Variants in TBC1D9 observed in about 807,000 individuals in gnomAD.
The protein encoded by TBC1D9 is TBC1 domain family member 9, also known as TBC1 domain family member 9A.
TBC1D9 carries 63 observed loss-of-function variants against 132.0 expected under a neutral mutation model. The ratio of observed to expected loss-of-function variants is 0.48; its 90% CI spans 0.39 to 0.59. The LOEUF is 0.59. Among genes scored for constraint, TBC1D9 ranks in the 20% least tolerant of loss-of-function variants. TBC1D9 has a pLI of 0.00. For synonymous variants in TBC1D9, 610 were observed against 609.9 expected (o/e 1.00, Z 0.00); for missense variants, 1,261 against 1,592.7 (o/e 0.79, Z 3.54).
chr4:140,632,653 A>G (rs540965622), intron 16 of TBC1D9, among the ~76,000 whole-genome samples: 1 of 152,262 alleles, frequency 6.6e-6, no homozygotes, highest in Admixed American at 6.5e-5. Context: ...CTATTTCTTT[A>G]GCTAAATATG....
At chr4:140,663,277 C>T (rs1292197505) in intron 9 of TBC1D9, among the ~76,000 whole-genome samples, 1 of 152,164 alleles carries the variant, frequency 6.6e-6, no homozygotes, top group African/African-American at 2.4e-5. Context: ...AAATCACCAA[C>T]AGGTGTATTT....
rs549878976 is a variant in TBC1D9 at position 140,706,111 on chromosome 4, G to C, written c.131-4497C>G. ...CAGGTGGCAGGTCCACAGTGCTGCAGAGAAACCCCCGTCAGCCCTCTGCAG... is the reference window on the plus strand; with the variant it reads ...CAGGTGGCAGGTCCACAGTGCTGCACAGAAACCCCCGTCAGCCCTCTGCAG... On this transcript the variant is annotated intron_variant, in intron 1 of 20. Coordinates refer to ENST00000442267, the MANE Select transcript of TBC1D9 (RefSeq NM_015130.3). The surrounding 1 kb of genome is among the most constrained non-coding windows in gnomAD (Gnocchi z 4.0). Among the ~76,000 whole-genome samples, 1 of 152,336 alleles carries C rather than the reference G, an allele frequency of 6.6e-6. No homozygotes were observed. The highest frequency in any genetic ancestry group is 2.1e-4 in the South Asian group (1 of 4,826).
chr4:140,657,064 T>A, intron 13 of TBC1D9, 33 bp downstream of exon 13: 1 of 1,610,070 alleles, frequency 6.2e-7, no homozygotes, highest in Non-Finnish European at 8.5e-7. Flanking sequence ...GAATGCATGG[T>A]TAAGCCCTGC....
intron 9 of TBC1D9, among the ~76,000 whole-genome samples, chr4:140,665,733 G>C (rs962907866): frequency 6.6e-6 from 1 of 152,098 alleles, no homozygotes; most frequent in Non-Finnish European, 1.5e-5. Flanking sequence ...CTGAGGTGCA[G>C]AGGTCTGATC....
At chr4:140,682,085 T>C (rs1341190148) in intron 3 of TBC1D9, among the ~76,000 whole-genome samples, 4 of 152,066 alleles carry the variant, frequency 2.6e-5, no homozygotes, top group South Asian at 2.1e-4. Context: ...TTAAAAGATA[T>C]CTTAAGGGGC....
chr4:140,663,470 C>G (rs1245982391), intron 9 of TBC1D9, among the ~76,000 whole-genome samples: 6 of 152,118 alleles, frequency 3.9e-5, no homozygotes, highest in Admixed American at 2.6e-4. Context: ...ACAGCCATTA[C>G]AGAAAACAGT....
At position 140,701,580 on chromosome 4, in the gene TBC1D9, G is replaced by A. The variant is rs1738070191; in HGVS notation, c.165C>T (p.Asp55=). 1.9e-6 allele frequency: 3 copies of A among 1,613,964 alleles called. No individual in the cohort carries two copies. The highest frequency in any genetic ancestry group is 2.5e-6 in the Non-Finnish European group (3 of 1,179,874). The change falls in exon 2 of 21, where the codon GAC becomes GAT. Residue 55 remains aspartate (D), a synonymous_variant. Transcript: ENST00000442267. ...GGTAAGGAGCGACCCGGGCGCTGGA[G>A]TCCAACACAACATCAAGGGTACCCA... ...LLVGTLDVVL[D]SSARVAPYRI... is the part of the protein sequence containing the mutation.
intron 1 of TBC1D9, among the ~76,000 whole-genome samples, chr4:140,710,535 CAG>C (rs1296686819): frequency 1.3e-5 from 2 of 152,152 alleles, no homozygotes; most frequent in Non-Finnish European, 2.9e-5. Context: ...ACTAAACAAA[CAG>C]AGCAGAAAAC....
rs534082477 is a variant in TBC1D9, at chr4:140,699,053, T to G, written c.241+2451A>C. On this transcript the variant is annotated intron_variant, in intron 2 of 20. Coordinates refer to ENST00000442267, the MANE Select transcript of TBC1D9 (RefSeq NM_015130.3). ...ATATTTTTAGATCCCAGCACAGCACTTCCTACCAAGTAAAGATCAATTTTA... is the reference window on the plus strand; with the variant it reads ...ATATTTTTAGATCCCAGCACAGCACGTCCTACCAAGTAAAGATCAATTTTA... 9.2e-5 allele frequency among the ~76,000 whole-genome samples: 14 copies of G among 152,268 alleles called. No individual in the cohort carries two copies. The South Asian group carries it at 2.9e-3, about 32-fold the overall frequency.
At chr4:140,680,549 T>A (rs916953719) in intron 3 of TBC1D9, among the ~76,000 whole-genome samples, 1 of 152,178 alleles carries the variant, frequency 6.6e-6, no homozygotes, top group Non-Finnish European at 1.5e-5. Flanking sequence ...TATATCTCGA[T>A]GGAAAATGCT....
intron 1 of TBC1D9, among the ~76,000 whole-genome samples, chr4:140,731,233 T>G (rs1016428385): frequency 6.6e-6 from 1 of 152,198 alleles, no homozygotes; most frequent in Non-Finnish European, 1.5e-5. Flanking sequence ...TAAGTGCTAC[T>G]TATTGGCTGT....
intron 13 of TBC1D9, chr4:140,642,942 T>C: frequency 1.6e-6 from 1 of 620,808 alleles, no homozygotes. Flanking sequence ...CACCAGCTCA[T>C]GCTGCTTCTC....
intron 1 of TBC1D9, among the ~76,000 whole-genome samples, chr4:140,726,886 A>T (rs1315085076): frequency 1.3e-5 from 2 of 152,088 alleles, no homozygotes; most frequent in African/African-American, 4.8e-5. Flanking sequence ...GCCCAAATGC[A>T]TCTGTTACAT....
intron 3 of TBC1D9, 141 bp from the exon 4 acceptor site, chr4:140,679,984 A>C (rs1430495260): frequency 8.4e-6 from 5 of 597,600 alleles, no homozygotes; most frequent in Non-Finnish European, 1.4e-5. Flanking sequence ...CCAAATTCTA[A>C]GCCAATTATT....
chr4:140,701,901 A>G (rs997116562), intron 1 of TBC1D9, among the ~76,000 whole-genome samples: 2 of 152,200 alleles, frequency 1.3e-5, no homozygotes, highest in African/African-American at 2.4e-5. Flanking sequence ...AATTAGTACA[A>G]TTCAGCTCAG....
chr4:140,645,630 T>C lies in TBC1D9; in HGVS notation c.2338-6202A>G, dbSNP rs1560872017. On this transcript the variant is annotated intron_variant, in intron 13 of 20. Transcript: ENST00000442267. ...AGTCAGACAACACTCTTCCTTTGTT[T>C]AAAATTCCAGTGATTTTTCATCCTC... is the stretch of plus-strand genomic sequence containing the variant. The C allele has an allele frequency of 1.3e-5, 3 of 239,830 alleles. No homozygotes were observed. The South Asian group carries it at 1.5e-4, about 12-fold the overall frequency. 14.9% of individuals were successfully genotyped at this position (239,830 alleles called of 1,614,324 possible). A position where few individuals can be genotyped will look rare whatever the true frequency, so the allele number is the denominator to read the frequency against.
intron 13 of TBC1D9, chr4:140,644,613 C>T (rs549937606): frequency 4.0e-5 from 15 of 372,880 alleles, no homozygotes; most frequent in Admixed American, 3.8e-4. Context: ...TACTCCTCTG[C>T]GCCTTCAGCC....
At chr4:140,737,461 TCTCTCA>T (rs996030636) in intron 1 of TBC1D9, among the ~76,000 whole-genome samples, 13 of 130,358 alleles carry the variant, frequency 1.0e-4, no homozygotes, top group African/African-American at 2.5e-4. Flanking sequence ...TCTCTCTCTC[TCTCTCA>T]CACACACATA....
At chr4:140,723,272 T>C (rs1171560474) in intron 1 of TBC1D9, among the ~76,000 whole-genome samples, 2 of 152,172 alleles carry the variant, frequency 1.3e-5, no homozygotes, top group African/African-American at 2.4e-5. Context: ...AAACTGCCAG[T>C]GTCCTTGAAG....
Sources: gnomAD v4.1 joint callset for allele counts (sites outside exome capture counted in the v4.1 genomes callset) on GRCh38, gnomAD v4.1.1 for gene constraint, Gnocchi (gnomAD v3.1) non-coding constraint, MANE v1.5 for transcripts, NCBI Gene and HGNC (gene_info 2026-07-23, HGNC 2026-07-21) for gene names.